The following STH variants were observed in gnomAD, a reference collection of about 807,000 sequenced individuals.
STH encodes saitohin.
For missense variants in STH, 131 were observed against 151.5 expected (o/e 0.86, Z 0.71); for synonymous variants, 36 against 59.1 (o/e 0.61, Z 1.79).
In STH at chr17:45,999,428, T is replaced by C. The variant is rs1321089897; in HGVS notation, c.149T>C (p.Leu50Ser). 1 of 1,613,998 alleles carries C rather than the reference T, an allele frequency of 6.2e-7. No individual in the cohort carries two copies. The highest frequency in any genetic ancestry group is 2.2e-5 in the East Asian group (1 of 44,886). The change falls in exon 1 of 1, where the codon TTA becomes TCA. Residue 50 changes from leucine to serine, a missense_variant. Transcript: ENST00000537309. Reference sequence around the variant, plus strand: ...GTTGCCAGAGACAGAACCCTCAGCTTAGCATGGGAAGTAGCTTCCCTGTTG... The same window carrying C: ...GTTGCCAGAGACAGAACCCTCAGCTCAGCATGGGAAGTAGCTTCCCTGTTG... ...IQVARDRTLS[L>S]AWEVASLLTL...
At chr17:45,999,653 C>G in the STH span, 23 of 1,604,120 alleles carry the variant, frequency 1.4e-5, 1 homozygote, top group Middle Eastern at 1.0e-3. Flanking sequence ...CAGGCGACCT[C>G]ATGCCAAGTG....
chr17:45,999,252 A>T lies in STH; in HGVS notation c.-28A>T, dbSNP rs934568312. 3 of 1,604,970 alleles carry T rather than the reference A, an allele frequency of 1.9e-6. No homozygotes were observed. Among genetic ancestry groups the T allele is most frequent in the Non-Finnish European group, 2.6e-6 (3 of 1,175,062 alleles). On this transcript the variant is annotated 5_prime_UTR_variant, in exon 1 of 1. It removes an upstream start codon present in the reference 5' UTR. Transcript: ENST00000537309. ...CCTGTAAACTCTGACCACACTGAGC[A>T]TGTGTCTGCTGCTCCCTAGTCTGGG...
chr17:45,999,252 A>G lies in STH; in HGVS notation c.-28A>G, dbSNP rs934568312. The stretch of plus-strand genomic sequence containing the variant: ...CCTGTAAACTCTGACCACACTGAGC[A>G]TGTGTCTGCTGCTCCCTAGTCTGGG... On this transcript the variant is annotated 5_prime_UTR_variant, in exon 1 of 1. It removes an upstream start codon present in the reference 5' UTR. Transcript: ENST00000537309. The G allele has an allele frequency of 1.9e-6, 3 of 1,604,852 alleles. No homozygotes were observed. The highest frequency in any genetic ancestry group is 2.0e-4 in the Middle Eastern group (1 of 5,080).
At position 45,999,369 on chromosome 17, in the gene STH, T is replaced by C. The variant is rs749899904; in HGVS notation, c.90T>C (p.Asn30=). 1 of 1,613,972 alleles carries C rather than the reference T, an allele frequency of 6.2e-7. No homozygotes were observed. Among genetic ancestry groups the C allele is most frequent in the Non-Finnish European group, 8.5e-7 (1 of 1,179,882 alleles). The change falls in exon 1 of 1, where the codon AAT becomes AAC. Residue 30 remains asparagine (N), a synonymous_variant. Transcript: ENST00000537309. ...CGGCCCTCATTGAATGCGGGGTTAA[T>C]TTAACTCAGCCTCTGTGTGAGTGGA... ...RWPALIECGV[N]LTQPLCEWMI...
In STH at chr17:45,999,477, C is replaced by T. The variant is rs1163215421; in HGVS notation, c.198C>T (p.Gly66=). 5.0e-6 allele frequency: 8 copies of T among 1,613,938 alleles called. No individual in the cohort carries two copies. In the South Asian group the frequency reaches 8.8e-5, roughly 18 times the overall value. ...TGACCCTGAGTTCATCTGAGGTTGG[C>T]TTGGAAGGTGTGGGCACCATTTGGC... The part of the protein sequence containing the change: ...SLLTLSSSEV[G]LEGVGTIWPS... Residue 66 remains glycine, a synonymous_variant, in exon 1 of 1, where the codon GGC becomes GGT. Transcript: ENST00000537309.
chr17:45,999,376 C>T, the STH span: 3 of 1,614,028 alleles, frequency 1.9e-6, no homozygotes, highest in Non-Finnish European at 2.5e-6. Flanking sequence ...TAATTTAACT[C>T]AGCCTCTGTG....
Position 45,999,691 on chromosome 17 carries a change from T to C in STH, c.*25T>C, listed in dbSNP as rs746858241. 6.5e-7 allele frequency: 1 copy of C among 1,546,888 alleles called. No individual in the cohort carries two copies. Among genetic ancestry groups the C allele is most frequent in the Admixed American group, 1.9e-5 (1 of 52,704 alleles). On this transcript the variant is annotated 3_prime_UTR_variant, in exon 1 of 1. Transcript: ENST00000537309. ...GAAAGGGGCAGATGGGAGCCCCAGG[T>C]TATGACGTCACCATGCTGGGTGGAG...
Position 45,999,480 on chromosome 17 carries a change from G to A in STH, c.201G>A (p.Leu67=), listed in dbSNP as rs1375142200. ...LLTLSSSEVG[L]EGVGTIWPSS... is the part of the protein sequence containing the mutation. ...CCCTGAGTTCATCTGAGGTTGGCTT[G>A]GAAGGTGTGGGCACCATTTGGCCCA... The change falls in exon 1 of 1, where the codon TTG becomes TTA. Residue 67 remains leucine (L), a synonymous_variant. Transcript: ENST00000537309. 1 of 1,614,056 alleles carries A rather than the reference G, an allele frequency of 6.2e-7. No individual in the cohort carries two copies. Among genetic ancestry groups the A allele is most frequent in the South Asian group, 1.1e-5 (1 of 91,082 alleles).
In STH at chr17:45,999,352, A is replaced by G. The variant is rs185788904; in HGVS notation, c.73A>G (p.Ile25Val). 1.2e-5 allele frequency: 20 copies of G among 1,614,018 alleles called. No individual in the cohort carries two copies. The highest frequency in any genetic ancestry group is 1.0e-5 in the Non-Finnish European group (12 of 1,179,902). The stretch of plus-strand genomic sequence containing the variant: ...AAGACTGTGCAGGTGGCCGGCCCTC[A>G]TTGAATGCGGGGTTAATTTAACTCA... Reference protein sequence around the residue: ...PTRLCRWPALIECGVNLTQPL... With the variant: ...PTRLCRWPALVECGVNLTQPL... Residue 25 changes from isoleucine (I) to valine (V), a missense_variant, in exon 1 of 1, where the codon ATT (isoleucine) becomes GTT (valine). Ile to Val is a conservative substitution (Grantham distance 29). Coordinates refer to ENST00000537309, the MANE Select transcript of STH (RefSeq NM_001007532.3).
Position 45,999,618 on chromosome 17 carries a change from G to T in STH, c.339G>T (p.Leu113=). ...QNCPSHPAAA[L]PLPMRGESQA... ...GTCCCTCCCACCCTGCAGCTGCCCT[G>T]CCTCTGCCCATGAGGGGTGAGAGTC... The change falls in exon 1 of 1, where the codon CTG becomes CTT. Residue 113 remains leucine, a synonymous_variant. Transcript: ENST00000537309. 1 of 1,612,140 alleles carries T rather than the reference G, an allele frequency of 6.2e-7. No homozygotes were observed. The highest frequency in any genetic ancestry group is 8.5e-7 in the Non-Finnish European group (1 of 1,179,074).
rs990094943 is a variant in STH, at chr17:45,999,549, G to C, written c.270G>C (p.Gln90His). Residue 90 changes from glutamine (Q) to histidine (H), a missense_variant, in exon 1 of 1, where the codon CAG becomes CAC. Physicochemically the swap from Gln to His is conservative, Grantham distance 24 (BLOSUM62 0). Coordinates refer to ENST00000537309, the MANE Select transcript of STH (RefSeq NM_001007532.3). Reference protein sequence around the residue: ...SEESSRNGAEQGRQLSIEGPF... With the variant: ...SEESSRNGAEHGRQLSIEGPF... ...AGAGCAGCAGGAATGGGGCTGAGCAGGGAAGACAACTTTCCATTGAAGGCC... is the reference window on the plus strand; with the variant it reads ...AGAGCAGCAGGAATGGGGCTGAGCACGGAAGACAACTTTCCATTGAAGGCC... 2.4e-5 allele frequency: 38 copies of C among 1,613,364 alleles called. No homozygotes were observed. The highest frequency in any genetic ancestry group is 3.2e-5 in the Non-Finnish European group (38 of 1,179,628).
chr17:45,999,464 C>T lies in STH; in HGVS notation c.185C>T (p.Ser62Leu), dbSNP rs747468867. 1 of 1,614,064 alleles carries T rather than the reference C, an allele frequency of 6.2e-7. No individual in the cohort carries two copies. Among genetic ancestry groups the T allele is most frequent in the South Asian group, 1.1e-5 (1 of 91,086 alleles). Residue 62 changes from serine to leucine, a missense_variant, in exon 1 of 1, where the codon TCA becomes TTA. Transcript: ENST00000537309. ...WEVASLLTLS[S>L]SEVGLEGVGT... Reference sequence around the variant, plus strand: ...GTAGCTTCCCTGTTGACCCTGAGTTCATCTGAGGTTGGCTTGGAAGGTGTG... The same window carrying T: ...GTAGCTTCCCTGTTGACCCTGAGTTTATCTGAGGTTGGCTTGGAAGGTGTG...
At position 45,999,662 on chromosome 17, in the gene STH, T is replaced by C. The variant is rs200384262; in HGVS notation, c.383T>C (p.Val128Ala). 1.9e-4 allele frequency: 300 copies of C among 1,599,236 alleles called. 2 individuals carry two copies. In the African/African-American group the frequency reaches 3.5e-3, roughly 19 times the overall value. The change falls in exon 1 of 1, where the codon GTG becomes GCG. Residue 128 changes from valine (V) to alanine (A), a missense_variant. By Grantham distance (64) the Val-to-Ala change is moderately conservative. Transcript: ENST00000537309. The stretch of plus-strand genomic sequence containing the variant: ...GAGAGTCAGGCGACCTCATGCCAAG[T>C]GTAGAAAGGGGCAGATGGGAGCCCC... ...RGESQATSCQ[V>A]
Position 45,999,575 on chromosome 17 carries a change from C to G in STH, c.296C>G (p.Pro99Arg), listed in dbSNP as rs756411772. 2 of 1,612,492 alleles carry G rather than the reference C, an allele frequency of 1.2e-6. No homozygotes were observed. The highest frequency in any genetic ancestry group is 2.2e-5 in the South Asian group (2 of 90,732). ...GGAAGACAACTTTCCATTGAAGGCC[C>G]CTTTCAGGGCCAGAACTGTCCCTCC... is the stretch of plus-strand genomic sequence containing the variant. Reference protein sequence around the residue: ...EQGRQLSIEGPFQGQNCPSHP... With the variant: ...EQGRQLSIEGRFQGQNCPSHP... The change falls in exon 1 of 1, where the codon CCC becomes CGC. Residue 99 changes from proline to arginine, a missense_variant. Coordinates refer to ENST00000537309, the MANE Select transcript of STH (RefSeq NM_001007532.3).
In STH at chr17:45,999,494, C is replaced by T; in HGVS notation, c.215C>T (p.Thr72Ile). The T allele has an allele frequency of 6.2e-7, 1 of 1,613,996 alleles. No homozygotes were observed. Among genetic ancestry groups the T allele is most frequent in the African/African-American group, 1.3e-5 (1 of 75,054 alleles). Residue 72 changes from threonine to isoleucine, a missense_variant, in exon 1 of 1, where the codon ACC (threonine) becomes ATC (isoleucine). Thr to Ile is a moderately conservative substitution (Grantham distance 89, BLOSUM62 -1). Coordinates refer to ENST00000537309, the MANE Select transcript of STH (RefSeq NM_001007532.3). ...SSEVGLEGVG[T>I]IWPSSYSSEE... ...GAGGTTGGCTTGGAAGGTGTGGGCA[C>T]CATTTGGCCCAGTTCTTACAGCTCT...
chr17:45,999,337 AG>A, the STH span: 7 of 1,613,868 alleles, frequency 4.3e-6, no homozygotes, highest in Non-Finnish European at 5.9e-6. Context: ...AAGACTGTGC[AG>A]GTGGCCGGCC....
chr17:45,999,543 T>C lies in STH; in HGVS notation c.264T>C (p.Ala88=), dbSNP rs758821631. The stretch of plus-strand genomic sequence containing the variant: ...CTGAAGAGAGCAGCAGGAATGGGGC[T>C]GAGCAGGGAAGACAACTTTCCATTG... ...YSSEESSRNG[A]EQGRQLSIEG... The change falls in exon 1 of 1, where the codon GCT becomes GCC. Residue 88 remains alanine (A), a synonymous_variant. Transcript: ENST00000537309. 6.2e-7 allele frequency: 1 copy of C among 1,613,580 alleles called. No homozygotes were observed. The highest frequency in any genetic ancestry group is 8.5e-7 in the Non-Finnish European group (1 of 1,179,708).
At position 45,999,485 on chromosome 17, in the gene STH, G is replaced by A. The variant is rs370140745; in HGVS notation, c.206G>A (p.Gly69Asp). 4 of 1,613,938 alleles carry A rather than the reference G, an allele frequency of 2.5e-6. No individual in the cohort carries two copies. The highest frequency in any genetic ancestry group is 1.7e-5 in the Admixed American group (1 of 60,002). Residue 69 changes from glycine (G) to aspartate (D), a missense_variant, in exon 1 of 1, where the codon GGT (glycine) becomes GAT (aspartate). Transcript: ENST00000537309. ...TLSSSEVGLE[G>D]VGTIWPSSYS... ...AGTTCATCTGAGGTTGGCTTGGAAG[G>A]TGTGGGCACCATTTGGCCCAGTTCT...
chr17:45,999,270 A>G lies in STH; in HGVS notation c.-10A>G. The G allele has an allele frequency of 6.2e-7, 1 of 1,611,574 alleles. No homozygotes were observed. The highest frequency in any genetic ancestry group is 1.3e-5 in the African/African-American group (1 of 74,970). On this transcript the variant is annotated 5_prime_UTR_variant, in exon 1 of 1. Coordinates refer to ENST00000537309, the MANE Select transcript of STH (RefSeq NM_001007532.3). ...ACTGAGCATGTGTCTGCTGCTCCCT[A>G]GTCTGGGCCATGAGTGAGGGTGGAG...
Sources: gnomAD v4.1 joint callset for allele counts on GRCh38, gnomAD v4.1.1 for gene constraint, MANE v1.5 for transcripts, NCBI Gene and HGNC (gene_info 2026-07-23, HGNC 2026-07-21) for gene names.